The following CADM2 variants were observed in gnomAD, a reference collection of about 807,000 sequenced individuals.
CADM2 encodes the protein immunoglobulin superfamily member 4D.
CADM2 carries 12 observed loss-of-function variants against 49.8 expected under a neutral mutation model. That is an observed-to-expected ratio of 0.24 (90% CI 0.15 to 0.39). The LOEUF is 0.39. Among genes scored for constraint, CADM2 ranks in the 10% least tolerant of loss-of-function variants. The probability of loss-of-function intolerance (pLI) is 1.00; values close to 1 mark genes in which losing one functional copy is unlikely to be tolerated. For missense variants in CADM2, 378 were observed against 492.3 expected, an observed-to-expected ratio of 0.77 and a Z score of 2.20; for synonymous variants, 214 against 175.4, an observed-to-expected ratio of 1.22 and a Z score of -1.74.
intron 1 of CADM2, among the ~76,000 whole-genome samples, chr3:85,236,380 T>C (rs1392719665): frequency 1.3e-5 from 2 of 152,032 alleles, no homozygotes; most frequent in Non-Finnish European, 2.9e-5. Context: ...TAACTAGCAA[T>C]ACAAAATGAG....
chr3:85,234,091 A>G (rs1444465810), intron 1 of CADM2, among the ~76,000 whole-genome samples: 1 of 152,050 alleles, frequency 6.6e-6, no homozygotes, highest in Non-Finnish European at 1.5e-5. Flanking sequence ...CAGATAGGTT[A>G]CCTGAGTTAT....
intron 6 of CADM2, among the ~76,000 whole-genome samples, chr3:85,923,115 G>A (rs909292699): frequency 2.0e-5 from 3 of 152,016 alleles, no homozygotes; most frequent in Non-Finnish European, 2.9e-5. Flanking sequence ...GAGCCACCGC[G>A]CCCGGCCGAA....
chr3:85,339,220 G>A (rs140238766), intron 1 of CADM2, among the ~76,000 whole-genome samples: 20 of 151,400 alleles, frequency 1.3e-4, no homozygotes, highest in African/African-American at 4.8e-4. Context: ...CAGAAGTCAG[G>A]CATTAATATT....
chr3:86,006,642 G>A lies in CADM2; in HGVS notation c.970+44995G>A, dbSNP rs559481948. 2.6e-5 allele frequency among the ~76,000 whole-genome samples: 4 copies of A among 152,226 alleles called. No homozygotes were observed. In the South Asian group the frequency reaches 8.3e-4, roughly 32 times the overall value. On this transcript the variant is annotated intron_variant, in intron 8 of 9. Coordinates refer to ENST00000383699, the MANE Select transcript of CADM2 (RefSeq NM_001167675.2). ...CTAGAGCTTCAGATACCCTTGCCTG[G>A]GAACTACTTTGACCTCCTTAGAGAC...
chr3:85,051,789 TG>T (rs1419345400), intron 1 of CADM2, among the ~76,000 whole-genome samples: 16 of 152,314 alleles, frequency 1.1e-4, no homozygotes, highest in African/African-American at 3.8e-4. Flanking sequence ...TGTTTTAATT[TG>T]ATATCATTAT....
intron 1 of CADM2, among the ~76,000 whole-genome samples, chr3:84,974,737 A>C (rs1023065225): frequency 1.3e-5 from 2 of 152,004 alleles, no homozygotes; most frequent in Admixed American, 1.3e-4. Flanking sequence ...ACAGTAGATA[A>C]AAACCTTCCT....
chr3:85,042,813 T>C (rs1318205504), intron 1 of CADM2, among the ~76,000 whole-genome samples: 1 of 152,158 alleles, frequency 6.6e-6, no homozygotes, highest in African/African-American at 2.4e-5. Flanking sequence ...AGATCACCTC[T>C]ACCATCTTTT....
intron 3 of CADM2, among the ~76,000 whole-genome samples, chr3:85,850,055 A>G (rs1577470282): frequency 6.6e-6 from 1 of 152,184 alleles, no homozygotes; most frequent in African/African-American, 2.4e-5. Context: ...CGTTAACTCA[A>G]TACTTCTCAA....
intron 1 of CADM2, among the ~76,000 whole-genome samples, chr3:85,541,147 A>G (rs1269644134): frequency 6.6e-6 from 1 of 150,788 alleles, no homozygotes; most frequent in Admixed American, 6.6e-5. Context: ...TTTGACACAT[A>G]TATACATTTA....
intron 2 of CADM2, among the ~76,000 whole-genome samples, chr3:85,787,536 C>G (rs1051697729): frequency 1.1e-4 from 17 of 152,174 alleles, no homozygotes; most frequent in African/African-American, 4.1e-4. Flanking sequence ...ATACTCAAGT[C>G]CCACAGTTGG....
At chr3:85,205,376 T>G (rs887209039) in intron 1 of CADM2, among the ~76,000 whole-genome samples, 3 of 152,156 alleles carry the variant, frequency 2.0e-5, no homozygotes, top group African/African-American at 7.2e-5. Context: ...ACAGATATCT[T>G]TATATTTTGA....
chr3:85,971,958 G>A (rs934110575), intron 8 of CADM2, among the ~76,000 whole-genome samples: 2 of 151,504 alleles, frequency 1.3e-5, no homozygotes, highest in Non-Finnish European at 3.0e-5. Flanking sequence ...GAAACCAGTG[G>A]AAGCTATCAG....
At chr3:85,384,110 A>G (rs543911868) in intron 1 of CADM2, among the ~76,000 whole-genome samples, 36 of 152,182 alleles carry the variant, frequency 2.4e-4, no homozygotes, top group Non-Finnish European at 3.1e-4. Flanking sequence ...CCAATGTTGC[A>G]TATTCTACTT....
chr3:85,375,296 A>G (rs1459959210), intron 1 of CADM2, among the ~76,000 whole-genome samples: 1 of 152,146 alleles, frequency 6.6e-6, no homozygotes, highest in Non-Finnish European at 1.5e-5. Context: ...ATTTGATTCC[A>G]ATTAAATTTC....
chr3:85,584,256 G>A lies in CADM2; in HGVS notation c.62-142266G>A, dbSNP rs139279326. On this transcript the variant is annotated intron_variant, in intron 1 of 9. Transcript: ENST00000383699. ...CAAGAAAAATGCAGGTGTCAGGAAA[G>A]CAGTCTGTAGAATACTGATAATATT... Among the ~76,000 whole-genome samples, 682 of 152,148 alleles carry A rather than the reference G, an allele frequency of 4.5e-3. 7 individuals are homozygous for A. Among genetic ancestry groups the A allele is most frequent in the African/African-American group, 0.016 (650 of 41,552 alleles).
At chr3:85,098,182 T>G (rs2107537852) in intron 1 of CADM2, among the ~76,000 whole-genome samples, 1 of 152,032 alleles carries the variant, frequency 6.6e-6, no homozygotes. Flanking sequence ...AAGTGCAATC[T>G]ATTGCTTGCT....
chr3:85,337,500 C>T (rs961653858), intron 1 of CADM2, among the ~76,000 whole-genome samples: 3 of 151,250 alleles, frequency 2.0e-5, no homozygotes, highest in Non-Finnish European at 3.0e-5. Context: ...GACTGAAGGG[C>T]ATAACTTAGT....
At chr3:85,138,417 G>A (rs1329693373) in intron 1 of CADM2, among the ~76,000 whole-genome samples, 1 of 152,018 alleles carries the variant, frequency 6.6e-6, no homozygotes, top group East Asian at 1.9e-4. Context: ...TTAGTAGATT[G>A]CACTTTATTT....
chr3:85,023,780 T>A (rs941049522), intron 1 of CADM2, among the ~76,000 whole-genome samples: 10 of 152,098 alleles, frequency 6.6e-5, no homozygotes, highest in African/African-American at 2.2e-4. Context: ...ATCATTTTTT[T>A]AAAATTTAGT....
Sources: gnomAD v4.1 joint callset for allele counts (sites outside exome capture counted in the v4.1 genomes callset) on GRCh38, gnomAD v4.1.1 for gene constraint, MANE v1.5 for transcripts, NCBI Gene and HGNC (gene_info 2026-07-23, HGNC 2026-07-21) for gene names.